SPAG16: variants seen among roughly 807,000 people sequenced by gnomAD.
SPAG16 encodes sperm-associated antigen 16 protein.
SPAG16 carries 86 observed loss-of-function variants against 80.4 expected under a neutral mutation model. The ratio of observed to expected loss-of-function variants is 1.07; its 90% confidence interval spans 0.90 to 1.28. The LOEUF (loss-of-function observed/expected upper bound fraction) is 1.28. Among genes scored for constraint, SPAG16 ranks in the 50% most tolerant of loss-of-function variants. The pLI is 0.00. For synonymous variants in SPAG16, 294 were observed against 265.9 expected (o/e 1.11, Z -1.03); for missense variants, 870 against 765.3 (o/e 1.14, Z -1.61).
At chr2:214,056,489 T>TA (rs1183705026) in intron 13 of SPAG16, among the ~76,000 whole-genome samples, 1 of 150,694 alleles carries the variant, frequency 6.6e-6, no homozygotes, top group Non-Finnish European at 1.5e-5. Context: ...ATTATTTTTT[T>TA]AAAAAATGAG....
chr2:213,574,898 T>C (rs577830052), intron 10 of SPAG16, among the ~76,000 whole-genome samples: 55 of 152,058 alleles, frequency 3.6e-4, no homozygotes, highest in African/African-American at 1.2e-3. Flanking sequence ...ATAATAATGG[T>C]TTACACCAGT....
chr2:214,021,945 T>A (rs778801782), intron 13 of SPAG16, among the ~76,000 whole-genome samples: 10 of 152,092 alleles, frequency 6.6e-5, no homozygotes, highest in Non-Finnish European at 1.5e-4. Context: ...CTGACACACC[T>A]TTTCCCCTCA....
At chr2:213,628,050 T>C (rs1035014755) in intron 10 of SPAG16, among the ~76,000 whole-genome samples, 2 of 152,320 alleles carry the variant, frequency 1.3e-5, no homozygotes, top group East Asian at 3.9e-4. Flanking sequence ...TCACCCATAT[T>C]CTCATGCCCT....
chr2:214,008,318 T>G (rs1418922715), intron 12 of SPAG16, among the ~76,000 whole-genome samples: 1 of 152,196 alleles, frequency 6.6e-6, no homozygotes, highest in Admixed American at 6.5e-5. Flanking sequence ...ATAAATCATT[T>G]GTAGTCTTGG....
chr2:214,226,643 A>G (rs1230993028), intron 15 of SPAG16, among the ~76,000 whole-genome samples: 3 of 152,076 alleles, frequency 2.0e-5, no homozygotes, highest in Non-Finnish European at 4.4e-5. Flanking sequence ...AAGGCTGTTT[A>G]AAACACTTCC....
chr2:214,363,828 T>TA (rs543577240), intron 15 of SPAG16, among the ~76,000 whole-genome samples: 182 of 152,218 alleles, frequency 1.2e-3, no homozygotes, highest in African/African-American at 4.2e-3. Context: ...GCAAGCAACT[T>TA]ACCTGGAATG....
intron 15 of SPAG16, among the ~76,000 whole-genome samples, chr2:214,407,742 T>C (rs966469458): frequency 2.0e-5 from 3 of 152,170 alleles, no homozygotes; most frequent in Non-Finnish European, 4.4e-5. Flanking sequence ...CTCAAACCAA[T>C]TGGATACTAA....
In SPAG16 at chr2:213,793,068, A is replaced by G. The variant is rs1269901715; in HGVS notation, c.1071-69417A>G. 3.9e-5 allele frequency among the ~76,000 whole-genome samples: 6 copies of G among 152,134 alleles called. No individual in the cohort carries two copies. The East Asian group carries it at 1.2e-3, about 29-fold the overall frequency. ...CAGCCTCCCAAATAGCTGGGATTAC[A>G]GGCGCCTGCCACCGCGCCCAGCTAA... On this transcript the variant is annotated intron_variant, in intron 10 of 15. Transcript: ENST00000331683.
chr2:213,408,634 T>C (rs2068796763), intron 9 of SPAG16, among the ~76,000 whole-genome samples: 1 of 152,204 alleles, frequency 6.6e-6, no homozygotes, highest in South Asian at 2.1e-4. Context: ...AGGAATTCCC[T>C]TCAGGACAGG....
chr2:214,059,275 T>TATAA (rs1205112053), intron 13 of SPAG16, among the ~76,000 whole-genome samples: 4 of 146,592 alleles, frequency 2.7e-5, no homozygotes, highest in Admixed American at 6.8e-5. Flanking sequence ...TATATATATA[T>TATAA]AATCAAGAAT....
At chr2:213,610,721 T>C (rs1184219020) in intron 10 of SPAG16, among the ~76,000 whole-genome samples, 3 of 152,070 alleles carry the variant, frequency 2.0e-5, no homozygotes, top group South Asian at 2.1e-4. Context: ...TTCCTGAAAG[T>C]AAGAGGAAGA....
intron 1 of SPAG16, among the ~76,000 whole-genome samples, chr2:213,288,054 C>T (rs769744688): frequency 6.6e-6 from 1 of 152,000 alleles, no homozygotes; most frequent in Non-Finnish European, 1.5e-5. Context: ...TGCAGATGTG[C>T]GGCACCATAC....
intron 9 of SPAG16, among the ~76,000 whole-genome samples, chr2:213,421,945 G>T (rs1034232255): frequency 2.0e-5 from 3 of 152,062 alleles, no homozygotes; most frequent in African/African-American, 4.8e-5. Flanking sequence ...ACCCACTTTG[G>T]GTCTCCTGAG....
intron 10 of SPAG16, among the ~76,000 whole-genome samples, chr2:213,587,050 G>T (rs969316457): frequency 1.3e-5 from 2 of 152,120 alleles, no homozygotes; most frequent in Non-Finnish European, 2.9e-5. Flanking sequence ...CTGGGTCTTA[G>T]CGCTCATGGC....
intron 12 of SPAG16, among the ~76,000 whole-genome samples, chr2:213,959,122 T>C (rs757766020): frequency 6.6e-6 from 1 of 152,234 alleles, no homozygotes; most frequent in Admixed American, 6.5e-5. Context: ...GAGAATCTGA[T>C]GGTAATCTTA....
At chr2:214,000,185 C>G (rs1366667528) in intron 12 of SPAG16, among the ~76,000 whole-genome samples, 5 of 152,124 alleles carry the variant, frequency 3.3e-5, no homozygotes, top group Admixed American at 3.3e-4. Context: ...GAATTGTACT[C>G]CCATAATTTC....
At chr2:213,293,170 C>T (rs758197136) in intron 1 of SPAG16, among the ~76,000 whole-genome samples, 6 of 152,198 alleles carry the variant, frequency 3.9e-5, no homozygotes, top group Non-Finnish European at 7.3e-5. Context: ...TGCACCCATT[C>T]TCTCTTTCAT....
intron 12 of SPAG16, among the ~76,000 whole-genome samples, chr2:213,994,839 A>G (rs755249792): frequency 6.6e-6 from 1 of 152,024 alleles, no homozygotes; most frequent in East Asian, 2.0e-4. Flanking sequence ...AGTTAATCAT[A>G]TAATTTAAAG....
intron 12 of SPAG16, among the ~76,000 whole-genome samples, chr2:214,011,731 A>T (rs1046894750): frequency 1.3e-5 from 2 of 152,198 alleles, no homozygotes; most frequent in African/African-American, 2.4e-5. Flanking sequence ...AATATTCCTG[A>T]TGTATTGATT....
Sources: allele counts gnomAD v4.1 joint callset (sites outside exome capture counted in the v4.1 genomes callset), GRCh38; gene constraint gnomAD v4.1.1; transcripts MANE v1.5; gene names NCBI Gene and HGNC (gene_info 2026-07-23, HGNC 2026-07-21).